Variants in VGLL4 observed in about 807,000 individuals in gnomAD.
The protein encoded by VGLL4 is transcription cofactor vestigial-like protein 4.
VGLL4 carries 7 observed loss-of-function variants against 21.0 expected under a neutral mutation model. The ratio of observed to expected loss-of-function variants is 0.33; its 90% CI spans 0.19 to 0.63. VGLL4 has a LOEUF of 0.63. Among genes scored for constraint, VGLL4 ranks in the 20% least tolerant of loss-of-function variants. VGLL4 has a pLI of 0.78. For synonymous variants in VGLL4, 222 were observed against 173.2 expected, an observed-to-expected ratio of 1.28 and a Z score of -2.21; for missense variants, 394 against 425.7, an observed-to-expected ratio of 0.93 and a Z score of 0.66.
intron 2 of VGLL4, among the ~76,000 whole-genome samples, chr3:11,659,857 A>C (rs2076013689): frequency 6.6e-6 from 1 of 152,168 alleles, no homozygotes; most frequent in Non-Finnish European, 1.5e-5. Flanking sequence ...GTAAACTGTA[A>C]AACTATTTAA....
At chr3:11,678,868 T>C (rs2076331268) in intron 2 of VGLL4, among the ~76,000 whole-genome samples, 3 of 152,324 alleles carry the variant, frequency 2.0e-5, no homozygotes, top group African/African-American at 7.2e-5. Flanking sequence ...AGATGGCATA[T>C]GCCACGGTGG....
chr3:11,716,070 G>C (rs148830424), intron 1 of VGLL4, among the ~76,000 whole-genome samples: 2 of 151,978 alleles, frequency 1.3e-5, no homozygotes, highest in Non-Finnish European at 2.9e-5. Flanking sequence ...TTGGGAGGCC[G>C]AGGCAGGCAG....
intron 2 of VGLL4, among the ~76,000 whole-genome samples, chr3:11,593,395 T>C (rs2074551913): frequency 6.6e-6 from 1 of 152,140 alleles, no homozygotes; most frequent in Admixed American, 6.5e-5. Flanking sequence ...CCAATCCCAT[T>C]TTAGCCAATC....
At chr3:11,592,901 C>A (rs2074536660) in intron 2 of VGLL4, among the ~76,000 whole-genome samples, 1 of 152,220 alleles carries the variant, frequency 6.6e-6, no homozygotes, top group African/African-American at 2.4e-5. Flanking sequence ...TCACGAGTTG[C>A]TGTTACTAAC....
chr3:11,591,170 T>C (rs2074487148), intron 2 of VGLL4, among the ~76,000 whole-genome samples: 1 of 152,218 alleles, frequency 6.6e-6, no homozygotes, highest in Admixed American at 6.5e-5. Context: ...TGGGTTGTTT[T>C]GTTTCCTTAC....
At chr3:11,711,673 C>T (rs759260543) in intron 1 of VGLL4, among the ~76,000 whole-genome samples, 8 of 151,922 alleles carry the variant, frequency 5.3e-5, no homozygotes, top group East Asian at 1.9e-4. Context: ...GCTGAGATCA[C>T]GCCACTGTAC....
At chr3:11,669,264 G>A (rs1470604141) in intron 2 of VGLL4, among the ~76,000 whole-genome samples, 2 of 152,170 alleles carry the variant, frequency 1.3e-5, no homozygotes, top group African/African-American at 4.8e-5. Context: ...GGTGGTGAGA[G>A]CCTGTACTCC....
intron 1 of VGLL4, among the ~76,000 whole-genome samples, chr3:11,629,707 C>T (rs976441545): frequency 7.0e-5 from 10 of 143,266 alleles, no homozygotes; most frequent in African/African-American, 2.4e-4. Flanking sequence ...GAGATGAGAT[C>T]GCTGCACTCC....
chr3:11,585,750 T>C (rs570645831), intron 2 of VGLL4, among the ~76,000 whole-genome samples: 1 of 152,362 alleles, frequency 6.6e-6, no homozygotes, highest in South Asian at 2.1e-4. Context: ...ATTCCATGTA[T>C]CTCGCCATCT....
intron 2 of VGLL4, among the ~76,000 whole-genome samples, chr3:11,682,590 A>C (rs1029390222): frequency 2.0e-5 from 3 of 151,950 alleles, no homozygotes; most frequent in Non-Finnish European, 4.4e-5. Context: ...GAAGAATATA[A>C]CTTTCTCTGA....
In VGLL4 at chr3:11,568,988, A is replaced by C; in HGVS notation, c.273-3969T>G. ...GGAGGGAGGGAAAGAGAGGCCTACAACACCATCATCCAGGACAGAGCTTTC... is the reference window on the plus strand; with the variant it reads ...GGAGGGAGGGAAAGAGAGGCCTACACCACCATCATCCAGGACAGAGCTTTC... On this transcript the variant is annotated intron_variant, in intron 2 of 4. Coordinates refer to ENST00000430365, the MANE Select transcript of VGLL4 (RefSeq NM_001128219.3). The surrounding 1 kb of genome is among the most constrained non-coding windows in gnomAD (Gnocchi z 5.9). 1 of 1,118,308 alleles carries C rather than the reference A, an allele frequency of 8.9e-7. No homozygotes were observed. Among genetic ancestry groups the C allele is most frequent in the Non-Finnish European group, 1.1e-6 (1 of 901,326 alleles). The allele number at this position is 1,118,308 out of a possible 1,614,324, so 69.3% of individuals were successfully genotyped here.
At chr3:11,559,094 C>A (rs1169804957) in intron 4 of VGLL4, among the ~76,000 whole-genome samples, 1 of 152,248 alleles carries the variant, frequency 6.6e-6, no homozygotes, top group African/African-American at 2.4e-5. Flanking sequence ...GTAGCCGCTG[C>A]CCTCCCTGCA....
intron 1 of VGLL4, among the ~76,000 whole-genome samples, chr3:11,716,806 G>A (rs955689502): frequency 1.3e-4 from 20 of 148,270 alleles, no homozygotes; most frequent in Non-Finnish European, 6.0e-5. Context: ...TTTTTTTTGC[G>A]GGGGGGTGGT....
intron 2 of VGLL4, among the ~76,000 whole-genome samples, chr3:11,659,793 T>C (rs892730652): frequency 6.6e-6 from 1 of 152,252 alleles, no homozygotes; most frequent in Non-Finnish European, 1.5e-5. Context: ...ACCCATTGAT[T>C]ATTGCATGAG....
chr3:11,604,249 G>C, intron 1 of VGLL4: 1 of 467,200 alleles, frequency 2.1e-6, no homozygotes, highest in Non-Finnish European at 2.7e-6. Context: ...GCCGGCGCCG[G>C]AAGGAGCCCA....
intron 2 of VGLL4, among the ~76,000 whole-genome samples, chr3:11,577,262 T>C (rs2074081257): frequency 6.6e-6 from 1 of 152,222 alleles, no homozygotes; most frequent in Non-Finnish European, 1.5e-5. Context: ...TCACTCTTAG[T>C]TTTTACTCCA....
At chr3:11,618,198 T>C (rs1207226284) in intron 1 of VGLL4, among the ~76,000 whole-genome samples, 2 of 152,198 alleles carry the variant, frequency 1.3e-5, no homozygotes, top group East Asian at 1.9e-4. Context: ...CTTCATTAGA[T>C]TGGTGTCAGG....
intron 2 of VGLL4, among the ~76,000 whole-genome samples, chr3:11,590,913 T>C (rs1216229425): frequency 2.6e-5 from 4 of 152,188 alleles, no homozygotes; most frequent in Non-Finnish European, 5.9e-5. Context: ...CCAAATTTGT[T>C]AGCATTTCTC....
Position 11,576,538 on chromosome 3 carries a change from G to A in VGLL4, c.273-11519C>T, listed in dbSNP as rs186586967. The stretch of plus-strand genomic sequence containing the variant: ...AGGTGGACAAAACCCTGGGAGACAC[G>A]GCGATCTCTGCACAGCAGCAGAGGC... On this transcript the variant is annotated intron_variant, in intron 2 of 4. Transcript: ENST00000430365. 3.3e-4 allele frequency among the ~76,000 whole-genome samples: 51 copies of A among 152,282 alleles called. No homozygotes were observed. In the East Asian group the frequency reaches 8.5e-3, roughly 25 times the overall value.
Sources: allele counts gnomAD v4.1 joint callset (sites outside exome capture counted in the v4.1 genomes callset), GRCh38; gene constraint gnomAD v4.1.1; non-coding constraint Gnocchi (gnomAD v3.1); transcripts MANE v1.5; gene names NCBI Gene and HGNC (gene_info 2026-07-23, HGNC 2026-07-21).